UST: variants seen among roughly 807,000 people sequenced by gnomAD.
UST encodes the protein chondroitin sulfate 2-O-sulfotransferase.
In UST, 21 loss-of-function variants were observed where a neutral mutation model predicts 45.6. The observed-to-expected ratio is 0.46, with a 90% CI of 0.33 to 0.66. UST has a LOEUF of 0.66. Among genes scored for constraint, UST ranks in the 30% least tolerant of loss-of-function variants. The pLI, the probability that UST is intolerant of heterozygous loss-of-function variation, is 0.02. For synonymous variants in UST, 215 were observed against 200.6 expected, an observed-to-expected ratio of 1.07 and a Z score of -0.61; for missense variants, 463 against 512.4, an observed-to-expected ratio of 0.90 and a Z score of 0.93.
intron 1 of UST, among the ~76,000 whole-genome samples, chr6:148,820,545 A>C (rs1777437701): frequency 6.6e-6 from 1 of 152,110 alleles, no homozygotes; most frequent in African/African-American, 2.4e-5. Context: ...CATAAACCCC[A>C]TTAAAAATTC....
chr6:148,893,277 G>A (rs1315570941), intron 2 of UST, among the ~76,000 whole-genome samples: 1 of 152,182 alleles, frequency 6.6e-6, no homozygotes, highest in Non-Finnish European at 1.5e-5. Flanking sequence ...ATCTCCAAAT[G>A]AATGAGAAGT....
chr6:148,748,344 C>T lies in UST; in HGVS notation c.247+667C>T, dbSNP rs553700953. On this transcript the variant is annotated intron_variant, in intron 1 of 7. Coordinates refer to ENST00000367463, the MANE Select transcript of UST (RefSeq NM_005715.3). This position sits in a 1 kb window ranked among gnomAD's most constrained non-coding sequence, Gnocchi z 5.3. ...TGGTCAGCCTGGCCAGCAGTGTCGC[C>T]CCCAGTAACCCGAGGATCCTCGGCG... 1.3e-5 allele frequency among the ~76,000 whole-genome samples: 2 copies of T among 151,478 alleles called. No homozygotes were observed. Among genetic ancestry groups the T allele is most frequent in the South Asian group, 4.2e-4 (2 of 4,806 alleles).
intron 1 of UST, among the ~76,000 whole-genome samples, chr6:148,845,183 CTGTTT>C (rs1427009639): frequency 1.3e-5 from 2 of 152,138 alleles, no homozygotes; most frequent in Non-Finnish European, 2.9e-5. Flanking sequence ...AGTGGTTGTT[CTGTTT>C]TAAGTTCTTT....
chr6:148,996,776 G>A (rs1004068763), intron 5 of UST, among the ~76,000 whole-genome samples: 7 of 152,192 alleles, frequency 4.6e-5, no homozygotes, highest in Non-Finnish European at 1.0e-4. Flanking sequence ...AGTTATTCTA[G>A]TGACTTGAAT....
At chr6:148,962,525 T>C (rs17080641) in intron 4 of UST, among the ~76,000 whole-genome samples, 14,452 of 152,276 alleles carry the variant, frequency 0.095, 2,159 homozygotes, top group African/African-American at 0.32. Context: ...CTGTTTATCA[T>C]AGATATGAAA....
At position 148,770,122 on chromosome 6, in the gene UST, G is replaced by C. The variant is rs546690603; in HGVS notation, c.247+22445G>C. On this transcript the variant is annotated intron_variant, in intron 1 of 7. Transcript: ENST00000367463. The stretch of plus-strand genomic sequence containing the variant: ...AATTGAGTGTGCTAATGACATAAAG[G>C]TTCTTGCAAGAGCTGCTAGTCTAGC... 7.2e-5 allele frequency among the ~76,000 whole-genome samples: 11 copies of C among 151,828 alleles called. No homozygotes were observed. In the East Asian group the frequency reaches 7.7e-4, roughly 11 times the overall value.
intron 7 of UST, among the ~76,000 whole-genome samples, chr6:149,025,376 C>T (rs1776036029): frequency 6.6e-6 from 1 of 152,126 alleles, no homozygotes; most frequent in Non-Finnish European, 1.5e-5. Flanking sequence ...TAGAGTATCT[C>T]AGAAGCTTAG....
chr6:148,936,995 A>G (rs1317894664), intron 2 of UST, among the ~76,000 whole-genome samples: 1 of 152,190 alleles, frequency 6.6e-6, no homozygotes, highest in Non-Finnish European at 1.5e-5. Context: ...ATGCCTGGCC[A>G]TCAGAAACAA....
chr6:148,747,803 G>A (rs1775902418), intron 1 of UST, 126 bp downstream of exon 1: 6 of 1,254,278 alleles, frequency 4.8e-6, no homozygotes, highest in Non-Finnish European at 6.2e-6. Context: ...CTCTCCAGGT[G>A]CTAAGCCCGT....
intron 1 of UST, among the ~76,000 whole-genome samples, chr6:148,845,139 G>A (rs1485264091): frequency 2.0e-4 from 31 of 152,100 alleles, no homozygotes; most frequent in Admixed American, 2.0e-3. Flanking sequence ...GTATTCCTTC[G>A]GGTATGTACC....
intron 7 of UST, among the ~76,000 whole-genome samples, chr6:149,073,201 T>C (rs1369875929): frequency 6.6e-6 from 1 of 152,186 alleles, no homozygotes; most frequent in Non-Finnish European, 1.5e-5. Context: ...CCCAGCACTT[T>C]GGGATGCCAA....
chr6:148,867,684 T>C (rs554329367), intron 1 of UST, among the ~76,000 whole-genome samples: 2 of 152,268 alleles, frequency 1.3e-5, no homozygotes, highest in Non-Finnish European at 2.9e-5. Flanking sequence ...ATGTAAGATG[T>C]GCCTTTCACC....
intron 1 of UST, among the ~76,000 whole-genome samples, chr6:148,860,810 A>G (rs915281253): frequency 5.9e-5 from 9 of 152,230 alleles, no homozygotes; most frequent in South Asian, 4.1e-4. Context: ...ATTGATTTGC[A>G]TATGTTGAAC....
intron 5 of UST, among the ~76,000 whole-genome samples, chr6:148,994,321 A>G (rs1270109438): frequency 2.6e-5 from 4 of 152,150 alleles, no homozygotes; most frequent in Non-Finnish European, 5.9e-5. Flanking sequence ...ACCCCATAGT[A>G]AAAGTTTCTA....
chr6:149,011,023 CGTAA>C (rs2115013278), intron 5 of UST, among the ~76,000 whole-genome samples: 1 of 151,678 alleles, frequency 6.6e-6, no homozygotes, highest in African/African-American at 2.4e-5. Flanking sequence ...CTCTTGTGTC[CGTAA>C]GTGTTTCAGT....
Position 148,819,439 on chromosome 6 carries a change from G to A in UST, c.248-67547G>A, listed in dbSNP as rs142837569. Reference sequence around the variant, plus strand: ...TTCTTACATTTGCAAAAGTAATCACGACTGTGACTCGAATCGGACTGGAAA... The same window carrying A: ...TTCTTACATTTGCAAAAGTAATCACAACTGTGACTCGAATCGGACTGGAAA... On this transcript the variant is annotated intron_variant, in intron 1 of 7. Coordinates refer to ENST00000367463, the MANE Select transcript of UST (RefSeq NM_005715.3). 1.8e-4 allele frequency among the ~76,000 whole-genome samples: 27 copies of A among 152,272 alleles called. No individual in the cohort carries two copies. In the East Asian group the frequency reaches 2.1e-3, roughly 12 times the overall value.
At chr6:148,885,985 T>G (rs1778905399) in intron 1 of UST, among the ~76,000 whole-genome samples, 1 of 152,254 alleles carries the variant, frequency 6.6e-6, no homozygotes, top group African/African-American at 2.4e-5. Flanking sequence ...TGATTTTCCC[T>G]AGACTCACAA....
chr6:148,860,268 G>A (rs1778284632), intron 1 of UST, among the ~76,000 whole-genome samples: 1 of 152,176 alleles, frequency 6.6e-6, no homozygotes, highest in Non-Finnish European at 1.5e-5. Flanking sequence ...TTGTGAATGG[G>A]AGTTCACTCA....
intron 2 of UST, among the ~76,000 whole-genome samples, chr6:148,913,844 A>G (rs1268337098): frequency 6.6e-6 from 1 of 152,238 alleles, no homozygotes; most frequent in African/African-American, 2.4e-5. Flanking sequence ...TTAAATGTAC[A>G]AAAATGAAAG....
Sources: gnomAD v4.1 joint callset for allele counts (sites outside exome capture counted in the v4.1 genomes callset) on GRCh38, gnomAD v4.1.1 for gene constraint, Gnocchi (gnomAD v3.1) non-coding constraint, MANE v1.5 for transcripts, NCBI Gene and HGNC (gene_info 2026-07-23, HGNC 2026-07-21) for gene names.